The following PTK2B variants were observed in gnomAD, a reference collection of about 807,000 sequenced individuals.
The protein encoded by PTK2B is protein tyrosine kinase 2 beta, also known as protein-tyrosine kinase 2-beta.
A neutral mutation model predicts 142.9 loss-of-function variants in PTK2B; 71 were observed. That is an observed-to-expected ratio of 0.50 (90% CI 0.41 to 0.61). The LOEUF is 0.61. Ranked by LOEUF, PTK2B falls within the 20% of genes least tolerant of loss-of-function variation. The probability of loss-of-function intolerance (pLI) is 0.00; values close to 1 mark genes in which losing one functional copy is unlikely to be tolerated. For synonymous variants in PTK2B, 519 were observed against 503.4 expected (o/e 1.03, Z -0.42); for missense variants, 1,105 against 1,320.4 (o/e 0.84, Z 2.53).
intron 3 of PTK2B, among the ~76,000 whole-genome samples, chr8:27,317,410 T>C (rs1217071190): frequency 6.6e-6 from 1 of 152,232 alleles, no homozygotes; most frequent in Non-Finnish European, 1.5e-5. Context: ...GGCAATATTA[T>C]GTCTTCCAAT....
chr8:27,429,339 A>C (rs1030752202), intron 5 of PTK2B, among the ~76,000 whole-genome samples: 6 of 152,250 alleles, frequency 3.9e-5, no homozygotes, highest in African/African-American at 1.4e-4. Flanking sequence ...TGCCCGAATT[A>C]AAGGAACACT....
At chr8:27,340,761 G>A (rs949245143) in intron 1 of PTK2B, among the ~76,000 whole-genome samples, 5 of 152,216 alleles carry the variant, frequency 3.3e-5, no homozygotes, top group African/African-American at 1.2e-4. Flanking sequence ...TGCAGCAAGT[G>A]GGAGGTGCCA....
chr8:27,447,112 A>G (rs1811518870), intron 24 of PTK2B, among the ~76,000 whole-genome samples: 1 of 152,212 alleles, frequency 6.6e-6, no homozygotes, highest in Admixed American at 6.5e-5. Context: ...TATTTTGCAC[A>G]TTTGAGGGGT....
intron 17 of PTK2B, 127 bp from the exon 18 acceptor site, chr8:27,437,638 A>G: frequency 8.1e-7 from 1 of 1,228,060 alleles, no homozygotes; most frequent in South Asian, 1.4e-5. Flanking sequence ...TTGCTGGAAC[A>G]TTTTGCCAGC....
intron 10 of PTK2B, 136 bp from the exon 11 acceptor site, chr8:27,433,299 C>A (rs1186252992): frequency 1.4e-6 from 1 of 727,322 alleles, no homozygotes; most frequent in Non-Finnish European, 2.4e-6. Context: ...CAGGGCAGGG[C>A]CCCAGGAGAG....
chr8:27,392,171 CAAG>C (rs991469144), intron 1 of PTK2B, among the ~76,000 whole-genome samples: 51 of 152,298 alleles, frequency 3.3e-4, no homozygotes, highest in African/African-American at 1.2e-3. Context: ...GTTCTATCAT[CAAG>C]AAGAAGAGCT....
chr8:27,311,237 G>A (rs778127951), upstream of PTK2B: 3 of 1,524,408 alleles, frequency 2.0e-6, no homozygotes, highest in Admixed American at 6.4e-5. Context: ...CCGCTCCATG[G>A]CACGAGCAGC....
At chr8:27,329,833 C>T (rs949997784) in intron 1 of PTK2B, among the ~76,000 whole-genome samples, 4 of 151,990 alleles carry the variant, frequency 2.6e-5, no homozygotes, top group Admixed American at 2.0e-4. Context: ...CCCTGAGTGA[C>T]GTTAGGTAGG....
intron 1 of PTK2B, among the ~76,000 whole-genome samples, chr8:27,366,684 T>C (rs1475153595): frequency 1.3e-5 from 2 of 152,160 alleles, no homozygotes; most frequent in Non-Finnish European, 2.9e-5. Context: ...CCCAGCCCAT[T>C]TCCCCCCGAG....
intron 1 of PTK2B, among the ~76,000 whole-genome samples, chr8:27,332,273 C>T (rs568734807): frequency 1.3e-5 from 2 of 152,238 alleles, no homozygotes; most frequent in African/African-American, 4.8e-5. Flanking sequence ...TTCAAGCCTT[C>T]CTTTTCTCAT....
chr8:27,356,615 A>G (rs1228404899), intron 1 of PTK2B, among the ~76,000 whole-genome samples: 1 of 152,266 alleles, frequency 6.6e-6, no homozygotes, highest in Non-Finnish European at 1.5e-5. Context: ...AGCCTGAAGC[A>G]GGACTAGCCC....
At chr8:27,336,406 G>T (rs1879188) in intron 1 of PTK2B, among the ~76,000 whole-genome samples, 114,463 of 151,990 alleles carry the variant, frequency 0.75, 43,994 homozygotes, top group Middle Eastern at 0.86. Flanking sequence ...GGAAAGAACC[G>T]TATCTGTATG....
At chr8:27,449,329 C>T (rs976097382) in intron 24 of PTK2B, among the ~76,000 whole-genome samples, 5 of 152,130 alleles carry the variant, frequency 3.3e-5, no homozygotes, top group African/African-American at 7.2e-5. Flanking sequence ...CATGGGGAAA[C>T]GTGTGATTAG....
intron 1 of PTK2B, among the ~76,000 whole-genome samples, chr8:27,326,343 T>C (rs2130750201): frequency 6.6e-6 from 1 of 152,220 alleles, no homozygotes; most frequent in Admixed American, 6.5e-5. Flanking sequence ...TGCCTCTGCC[T>C]GCTGTCAGGC....
chr8:27,331,893 G>A (rs1471352627), intron 1 of PTK2B, among the ~76,000 whole-genome samples: 1 of 152,208 alleles, frequency 6.6e-6, no homozygotes, highest in Non-Finnish European at 1.5e-5. Context: ...AGTATTTGGA[G>A]TCAAAACCCA....
At chr8:27,420,816 C>T in intron 4 of PTK2B, 72 bp downstream of exon 4, 1 of 1,375,194 alleles carries the variant, frequency 7.3e-7, no homozygotes, top group Non-Finnish European at 1.0e-6. Context: ...ACCGTTCTCT[C>T]CTAGGGAGAT....
chr8:27,389,981 G>A (rs1051837995), intron 1 of PTK2B, among the ~76,000 whole-genome samples: 1 of 152,218 alleles, frequency 6.6e-6, no homozygotes, highest in African/African-American at 2.4e-5. Flanking sequence ...GGATAGGAAA[G>A]GGCTGCGTTC....
rs1269000576 is a variant in PTK2B at position 27,366,160 on chromosome 8, C to G, written c.-37-31388C>G. ...AAACCCAAAGAAGCAAATCATGGCT[C>G]TTGGGTCTTGGGGTGGCACAAGTCA... is the stretch of plus-strand genomic sequence containing the variant. On this transcript the variant is annotated intron_variant, in intron 1 of 30. Transcript: ENST00000346049. Among the ~76,000 whole-genome samples the G allele has an allele frequency of 3.3e-5, 5 of 152,216 alleles. No individual in the cohort carries two copies. In the East Asian group the frequency reaches 9.6e-4, roughly 29 times the overall value.
intron 1 of PTK2B, chr8:27,380,895 G>T (rs970582128): frequency 6.6e-6 from 1 of 152,222 alleles, no homozygotes; most frequent in Non-Finnish European, 1.5e-5. Flanking sequence ...TGTTAGGAAG[G>T]TGGGGAAAGA....
Sources: gnomAD v4.1 joint callset for allele counts (sites outside exome capture counted in the v4.1 genomes callset) on GRCh38, gnomAD v4.1.1 for gene constraint, MANE v1.5 for transcripts, NCBI Gene and HGNC (gene_info 2026-07-23, HGNC 2026-07-21) for gene names.